The following CCDC171 variants were observed in gnomAD, a reference collection of about 807,000 sequenced individuals.
CCDC171 encodes coiled-coil domain-containing protein 171.
Under a neutral mutation model 168.2 loss-of-function variants are expected in CCDC171, and 177 were observed. That is an observed-to-expected ratio of 1.05 (90% confidence interval 0.93 to 1.19). The LOEUF is 1.19. CCDC171 is among the 50% of genes most tolerant of loss of function. CCDC171 has a pLI of 0.00. For synonymous variants in CCDC171, 687 were observed against 540.8 expected, an observed-to-expected ratio of 1.27 and a Z score of -3.75; for missense variants, 1,991 against 1,539.0, an observed-to-expected ratio of 1.29 and a Z score of -4.91.
chr9:16,092,461 T>C, the CCDC171 span, among the ~76,000 whole-genome samples: 1 of 152,192 alleles, frequency 6.6e-6, no homozygotes, highest in Non-Finnish European at 1.5e-5. Flanking sequence ...AACTGTTTTC[T>C]GCAGTGATGC....
chr9:15,679,654 A>G (rs375423777), intron 10 of CCDC171, among the ~76,000 whole-genome samples: 87 of 152,150 alleles, frequency 5.7e-4, no homozygotes, highest in African/African-American at 1.9e-3. Flanking sequence ...GGCTCAAGCA[A>G]TCCTCTTGCC....
At chr9:15,742,147 A>G (rs551994970) in intron 16 of CCDC171, among the ~76,000 whole-genome samples, 1 of 152,000 alleles carries the variant, frequency 6.6e-6, no homozygotes, top group Non-Finnish European at 1.5e-5. Context: ...TGTGATGTCC[A>G]TTTGTTCCCC....
At chr9:15,959,761 A>G (rs1190328856) in intron 25 of CCDC171, among the ~76,000 whole-genome samples, 1 of 152,122 alleles carries the variant, frequency 6.6e-6, no homozygotes, top group East Asian at 1.9e-4. Context: ...TGAAGTGGAG[A>G]GAACGACCTA....
intron 18 of CCDC171, among the ~76,000 whole-genome samples, chr9:15,749,868 C>G (rs1405700764): frequency 6.6e-6 from 1 of 152,076 alleles, no homozygotes; most frequent in Non-Finnish European, 1.5e-5. Flanking sequence ...CAAGAGAAAG[C>G]AGGAAAGATC....
chr9:15,998,682 C>T (rs1832442715), intron 3 of CCDC171, among the ~76,000 whole-genome samples: 1 of 152,150 alleles, frequency 6.6e-6, no homozygotes, highest in Non-Finnish European at 1.5e-5. Flanking sequence ...AGTGGTAGTT[C>T]ACCCTGCTAC....
intron 3 of CCDC171, among the ~76,000 whole-genome samples, chr9:16,010,525 C>T (rs1418607355): frequency 3.3e-5 from 5 of 152,080 alleles, no homozygotes; most frequent in Admixed American, 6.5e-5. Context: ...TCTCGCTCCC[C>T]CTCAGTGCTT....
chr9:15,723,790 T>A, intron 13 of CCDC171, 44 bp downstream of exon 13: 1 of 918,642 alleles, frequency 1.1e-6, no homozygotes, highest in Non-Finnish European at 1.7e-6. Context: ...AAGAAACAAA[T>A]ATAGTTATCT....
At chr9:15,588,491 G>C in intron 4 of CCDC171, 1 of 308,502 alleles carries the variant, frequency 3.2e-6, no homozygotes, top group South Asian at 3.6e-5. Context: ...CCCCTGCAAA[G>C]AAGGGAGAAA....
In CCDC171 at chr9:15,695,337, G is replaced by T. The variant is rs770124520; in HGVS notation, c.1318G>T (p.Gly440Cys). Reference sequence around the variant, plus strand: ...TACTGTGTCGGGCCAGTGGACATCAGGTTAGTTGAAGGTATAAAATGACAG... The same window carrying T: ...TACTGTGTCGGGCCAGTGGACATCATGTTAGTTGAAGGTATAAAATGACAG... The part of the protein sequence containing the change: ...SFTVSGQWTS[G>C]IHKDKDKPPS... The change falls in exon 11 of 26, where the codon GGC becomes TGC. Residue 440 changes from glycine to cysteine, a missense_variant and splice_region_variant. Physicochemically the swap from Gly to Cys is radical, Grantham distance 159. Transcript: ENST00000380701. The T allele has an allele frequency of 2.4e-5, 38 of 1,611,382 alleles. No homozygotes were observed. Among genetic ancestry groups the T allele is most frequent in the Non-Finnish European group, 3.1e-5 (37 of 1,177,640 alleles).
intron 7 of CCDC171, among the ~76,000 whole-genome samples, chr9:15,647,871 G>T (rs2047177581): frequency 6.6e-6 from 1 of 152,158 alleles, no homozygotes; most frequent in Non-Finnish European, 1.5e-5. Flanking sequence ...AATAGAAAAA[G>T]AAGGAATCCT....
chr9:15,744,915 A>G (rs989692613), intron 17 of CCDC171, 138 bp downstream of exon 17: 3 of 793,286 alleles, frequency 3.8e-6, no homozygotes, highest in Non-Finnish European at 5.8e-6. Flanking sequence ...ATATGTACGT[A>G]TATGTGTGTA....
At chr9:15,835,487 G>C (rs1369818161) in intron 21 of CCDC171, among the ~76,000 whole-genome samples, 1 of 152,156 alleles carries the variant, frequency 6.6e-6, no homozygotes, top group African/African-American at 2.4e-5. Flanking sequence ...GAGTACAATG[G>C]CGTGATCTCG....
At position 15,591,430 on chromosome 9, in the gene CCDC171, A is replaced by C. The variant is rs1389433541; in HGVS notation, c.417A>C (p.Gln139His). The C allele has an allele frequency of 6.2e-7, 1 of 1,609,674 alleles. No individual in the cohort carries two copies. The highest frequency in any genetic ancestry group is 8.5e-7 in the Non-Finnish European group (1 of 1,178,546). ...ETEKAFQTSQ[Q>H]KWKEECRRFE... ...AGAAAGCATTTCAGACTTCTCAGCA[A>C]AAATGGAAAGAAGAATGCAGAAGAT... Residue 139 changes from glutamine (Q) to histidine (H), a missense_variant, in exon 5 of 26, where the codon CAA becomes CAC. Transcript: ENST00000380701.
At chr9:15,677,765 A>ATG (rs528839652) in intron 9 of CCDC171, among the ~76,000 whole-genome samples, 83 of 142,790 alleles carry the variant, frequency 5.8e-4, no homozygotes, top group East Asian at 3.3e-3. Context: ...ATATACCTAT[A>ATG]TGTGTGTGTG....
intron 3 of CCDC171, among the ~76,000 whole-genome samples, chr9:15,996,259 A>G (rs529736436): frequency 6.6e-6 from 1 of 152,226 alleles, no homozygotes; most frequent in South Asian, 2.1e-4. Context: ...AGTAATGCAC[A>G]TAGGTCTTGG....
At chr9:15,600,115 G>T (rs528908293) in intron 6 of CCDC171, among the ~76,000 whole-genome samples, 3 of 152,178 alleles carry the variant, frequency 2.0e-5, no homozygotes, top group African/African-American at 7.2e-5. Context: ...TAGTTTGATT[G>T]TCTGAAGCCT....
At chr9:15,652,572 A>G (rs1587749456) in intron 7 of CCDC171, among the ~76,000 whole-genome samples, 1 of 151,984 alleles carries the variant, frequency 6.6e-6, no homozygotes, top group African/African-American at 2.4e-5. Context: ...CTGGGTTTAC[A>G]GGTGGCCACC....
intron 5 of CCDC171, among the ~76,000 whole-genome samples, chr9:15,593,048 G>C (rs531359568): frequency 1.3e-5 from 2 of 151,708 alleles, no homozygotes; most frequent in Admixed American, 1.3e-4. Flanking sequence ...ACAGTCCCCA[G>C]AGTGTGATGT....
chr9:15,562,770 T>G (rs2039414105), intron 1 of CCDC171, among the ~76,000 whole-genome samples: 1 of 152,174 alleles, frequency 6.6e-6, no homozygotes, highest in South Asian at 2.1e-4. Context: ...GACATTACTC[T>G]TAAATACAGA....
Sources: allele counts gnomAD v4.1 joint callset (sites outside exome capture counted in the v4.1 genomes callset), GRCh38; gene constraint gnomAD v4.1.1; transcripts MANE v1.5; gene names NCBI Gene and HGNC (gene_info 2026-07-23, HGNC 2026-07-21).